KCNT1: variants seen among roughly 807,000 people sequenced by gnomAD.
The protein encoded by KCNT1 is potassium channel subfamily T member 1.
KCNT1 carries 78 observed loss-of-function variants against 147.8 expected under a neutral mutation model. The observed-to-expected ratio is 0.53, with a 90% CI of 0.44 to 0.64. The LOEUF (loss-of-function observed/expected upper bound fraction) is 0.64, where lower values mean the gene tolerates loss of function less well. Among genes scored for constraint, KCNT1 ranks in the 30% least tolerant of loss-of-function variants. The probability of loss-of-function intolerance (pLI) is 0.00; values close to 1 mark genes in which losing one functional copy is unlikely to be tolerated. For synonymous variants in KCNT1, 867 were observed against 748.8 expected (o/e 1.16, Z -2.58); for missense variants, 1,419 against 1,750.3 (o/e 0.81, Z 3.38).
chr9:135,759,600 T>G, intron 10 of KCNT1, 79 bp from the exon 11 acceptor site: 1 of 1,467,842 alleles, frequency 6.8e-7, no homozygotes, highest in Non-Finnish European at 9.1e-7. Context: ...GAGGGTCCCG[T>G]GGGCAGGCAG....
intron 10 of KCNT1, 141 bp downstream of exon 10, chr9:135,758,649 G>T (rs760046358): frequency 1.2e-5 from 8 of 689,814 alleles, no homozygotes; most frequent in Non-Finnish European, 1.5e-5. Flanking sequence ...GCGGGTGTCG[G>T]GCCACCAAGC....
chr9:135,709,076 G>A (rs532896409), intron 1 of KCNT1, among the ~76,000 whole-genome samples: 39 of 152,318 alleles, frequency 2.6e-4, no homozygotes, highest in East Asian at 7.7e-4. Context: ...TGGGTGAGAC[G>A]CTGCCCTAGA....
At chr9:135,757,855 A>C (rs945032441) in intron 9 of KCNT1, among the ~76,000 whole-genome samples, 2 of 152,012 alleles carry the variant, frequency 1.3e-5, no homozygotes, top group Non-Finnish European at 1.5e-5. Context: ...CTAGGCGCCC[A>C]CCCTCTCCAA....
At chr9:135,759,559 T>A in intron 10 of KCNT1, 120 bp from the exon 11 acceptor site, 1 of 1,069,516 alleles carries the variant, frequency 9.4e-7, no homozygotes, top group Non-Finnish European at 1.3e-6. Context: ...GGGGCTCGCC[T>A]GGTGATGCAC....
At chr9:135,749,332 C>T (rs78847537) in intron 2 of KCNT1, among the ~76,000 whole-genome samples, 7,121 of 152,300 alleles carry the variant, frequency 0.047, 451 homozygotes, top group East Asian at 0.31. Flanking sequence ...CTGCCACCCC[C>T]GGCAACTGGC....
chr9:135,758,366 G>A (rs1409576566), intron 9 of KCNT1, 48 bp from the exon 10 acceptor site: 6 of 1,393,300 alleles, frequency 4.3e-6, no homozygotes, highest in African/African-American at 1.4e-5. Context: ...TTGGCTCCTG[G>A]CGGGGTCCAC....
intron 29 of KCNT1, 81 bp from the exon 30 acceptor site, chr9:135,791,716 G>A: frequency 8.4e-7 from 1 of 1,192,952 alleles, no homozygotes; most frequent in Non-Finnish European, 1.2e-6. Flanking sequence ...TCATCCTGGA[G>A]CCCCCACACC....
intron 2 of KCNT1, among the ~76,000 whole-genome samples, chr9:135,715,003 C>T (rs1835664712): frequency 6.6e-6 from 1 of 152,210 alleles, no homozygotes; most frequent in African/African-American, 2.4e-5. Context: ...CCTGGCCTTC[C>T]GGTGTCTGCT....
Position 135,758,493 on chromosome 9 carries a change from G to T in KCNT1, c.839G>T (p.Cys280Phe), listed in dbSNP as rs1160972448. ...QVLILFCTLL[C>F]LVFTGTCGIQ... ...CTCATCCTCTTCTGCACCCTGCTGT[G>T]CCTCGTTTTCACGGGGTGAGTGCCG... Residue 280 changes from cysteine to phenylalanine, a missense_variant, in exon 10 of 31, where the codon TGC becomes TTC. By Grantham distance (205) the Cys-to-Phe change is radical. Around this residue, in one of 5 missense-constraint regions of KCNT1, gnomAD observed 401 missense variants for 610.6 expected, o/e 0.66. Coordinates refer to ENST00000371757, the MANE Select transcript of KCNT1 (RefSeq NM_020822.3). The T allele has an allele frequency of 6.2e-7, 1 of 1,613,564 alleles. No homozygotes were observed. Among genetic ancestry groups the T allele is most frequent in the Non-Finnish European group, 8.5e-7 (1 of 1,179,922 alleles).
At chr9:135,768,253 GGGGGCACTGGGATACCGGT>G (rs1832442797) in intron 13 of KCNT1, among the ~76,000 whole-genome samples, 1 of 37,292 alleles carries the variant, frequency 2.7e-5, no homozygotes, top group Non-Finnish European at 8.3e-5. Flanking sequence ...GGGGGGGGGG[GGGGGCACTGGGATACCGGT>G]GGGGGGGGCA....
At chr9:135,771,718 G>A (rs1410811179) in intron 18 of KCNT1, among the ~76,000 whole-genome samples, 1 of 152,178 alleles carries the variant, frequency 6.6e-6, no homozygotes, top group African/African-American at 2.4e-5. Context: ...GGCTGCCTCT[G>A]AGCAGGTGGA....
At chr9:135,761,027 A>ATT (rs370378994) in intron 11 of KCNT1, among the ~76,000 whole-genome samples, 296 of 147,190 alleles carry the variant, frequency 2.0e-3, no homozygotes, top group Middle Eastern at 0.018. Flanking sequence ...GATGGTCTTG[A>ATT]TTTTTTTTTT....
chr9:135,777,881 C>T (rs1833288501), intron 21 of KCNT1, among the ~76,000 whole-genome samples: 1 of 151,368 alleles, frequency 6.6e-6, no homozygotes, highest in Non-Finnish European at 1.5e-5. Flanking sequence ...CTCCCAGCTT[C>T]TCCCCACTCC....
chr9:135,770,577 GTCA>G, intron 17 of KCNT1, 130 bp downstream of exon 17: 1 of 1,226,170 alleles, frequency 8.2e-7, no homozygotes, highest in Non-Finnish European at 1.1e-6. Flanking sequence ...AGGGCATCAG[GTCA>G]TCCTGCCTGG....
rs7869884 is a variant in KCNT1, at chr9:135,771,116, G to A, written c.2008+21G>A. ...CATGGGTGAGCCGGGACAGGCGCGC[G>A]GGACTCCCTGGGCCTGCTCCTTTGG... On this transcript the variant is annotated intron_variant, in intron 18 of 30. Transcript: ENST00000371757. 0.18 allele frequency: 292,082 copies of A among 1,590,592 alleles called. 27,886 individuals carry two copies. Among genetic ancestry groups the A allele is most frequent in the Middle Eastern group, 0.23 (1,318 of 5,638 alleles).
intron 1 of KCNT1, among the ~76,000 whole-genome samples, chr9:135,711,429 C>T (rs1030824852): frequency 6.6e-6 from 1 of 152,230 alleles, no homozygotes; most frequent in East Asian, 1.9e-4. Context: ...CTCAGTGACG[C>T]TCCTTGGGCT....
intron 1 of KCNT1, among the ~76,000 whole-genome samples, chr9:135,704,972 G>A (rs1376004719): frequency 6.6e-6 from 1 of 152,196 alleles, no homozygotes; most frequent in Non-Finnish European, 1.5e-5. Flanking sequence ...TGAGTGAGAA[G>A]GGAGCAGACA....
intron 3 of KCNT1, 49 bp from the exon 4 acceptor site, chr9:135,750,893 C>T (rs1230819750): frequency 1.3e-6 from 2 of 1,569,870 alleles, no homozygotes; most frequent in African/African-American, 1.3e-5. Flanking sequence ...CCCTGCTCCC[C>T]GAAGCCCAGA....
chr9:135,721,168 G>A (rs569482780), intron 2 of KCNT1, among the ~76,000 whole-genome samples: 1 of 152,198 alleles, frequency 6.6e-6, no homozygotes, highest in African/African-American at 2.4e-5. Context: ...GGCCCCCAAC[G>A]CTCTCGGCCT....
Sources: allele counts gnomAD v4.1 joint callset (sites outside exome capture counted in the v4.1 genomes callset), GRCh38; gene constraint gnomAD v4.1.1; regional missense constraint gnomAD v4.1.1; transcripts MANE v1.5; gene names NCBI Gene and HGNC (gene_info 2026-07-23, HGNC 2026-07-21).